PLGLB1: variants seen among roughly 807,000 people sequenced by gnomAD.
PLGLB1 encodes plasminogen like B1, also known as plasminogen-like protein B.
In PLGLB1 at chr2:87,020,988, C is replaced by T. The variant is rs528429856; in HGVS notation, c.49+747G>A. On this transcript the variant is annotated intron_variant, in intron 1 of 3. Coordinates refer to ENST00000355705, the MANE Select transcript of PLGLB1 (RefSeq NM_001032392.4). ...AGCAAATAACATGATTTTCCTAAGT[C>T]TAGATTTCTTTGTTTATAAAATGAG... Among the ~76,000 whole-genome samples, 203 of 152,154 alleles carry T rather than the reference C, an allele frequency of 1.3e-3. 1 individual carries two copies. The highest frequency in any genetic ancestry group is 2.1e-3 in the South Asian group (10 of 4,830).
rs1159833409 is a variant in PLGLB1, at chr2:87,019,160, C to T, written c.50-1472G>A. On this transcript the variant is annotated intron_variant, in intron 1 of 3. Coordinates refer to ENST00000355705, the MANE Select transcript of PLGLB1 (RefSeq NM_001032392.4). The stretch of plus-strand genomic sequence containing the variant: ...GAAAGATGACACACTGCAGAGCACA[C>T]TGGTTTGTATGCTGATGACAAATAT... 2.6e-5 allele frequency among the ~76,000 whole-genome samples: 2 copies of T among 76,680 alleles called. 1 individual carries two copies. The highest frequency in any genetic ancestry group is 5.0e-5 in the Non-Finnish European group (2 of 39,808). The allele number at this position is 76,680 out of a possible 152,430, so 50.3% of individuals were successfully genotyped here.
Position 87,019,749 on chromosome 2 carries a change from A to G in PLGLB1, c.49+1986T>C, listed in dbSNP as rs796273915. On this transcript the variant is annotated intron_variant, in intron 1 of 3. Coordinates refer to ENST00000355705, the MANE Select transcript of PLGLB1 (RefSeq NM_001032392.4). The stretch of plus-strand genomic sequence containing the variant: ...GTGTCATGTTATTATACTTCATAGC[A>G]CATCGCTGCTGAGATCCCCTCCCCA... Among the ~76,000 whole-genome samples the G allele has an allele frequency of 7.0e-4, 70 of 100,162 alleles. 1 individual carries two copies. The highest frequency in any genetic ancestry group is 4.2e-3 in the East Asian group (11 of 2,592). 65.7% of individuals were successfully genotyped at this position (100,162 alleles called of 152,430 possible). A position where few individuals can be genotyped will look rare whatever the true frequency, so the allele number is the denominator to read the frequency against.
chr2:87,014,751 A>G (rs925190824), intron 3 of PLGLB1, among the ~76,000 whole-genome samples: 1 of 119,884 alleles, frequency 8.3e-6, no homozygotes, highest in Non-Finnish European at 1.8e-5. Flanking sequence ...ACATTTGGGA[A>G]GTCTTTGGGT....
At chr2:87,017,264 A>G (rs1682353466) in intron 2 of PLGLB1, among the ~76,000 whole-genome samples, 1 of 104,612 alleles carries the variant, frequency 9.6e-6, no homozygotes, top group Non-Finnish European at 2.1e-5. Flanking sequence ...ATCCTCAACA[A>G]ACATTTACTG....
chr2:87,014,353 GATCA>G (rs1437308085), intron 3 of PLGLB1, among the ~76,000 whole-genome samples: 233 of 148,426 alleles, frequency 1.6e-3, no homozygotes, highest in African/African-American at 5.4e-3. Flanking sequence ...TAAATTCACT[GATCA>G]ATCACATGGG....
At chr2:87,013,242 GATC>G (rs1395631822) in intron 3 of PLGLB1, 123 bp from the exon 4 acceptor site, 2 of 143,138 alleles carry the variant, frequency 1.4e-5, no homozygotes, top group Admixed American at 8.7e-5. Flanking sequence ...CTTTCTAAAA[GATC>G]ATCTTTTGCA....
chr2:87,018,146 CA>C (rs1682361443), intron 1 of PLGLB1: 1 of 13,098 alleles, frequency 7.6e-5, no homozygotes, highest in Admixed American at 6.4e-4. Context: ...GATTGATAAA[CA>C]GGTTAGAACT....
chr2:87,017,325 T>TCC (rs1558821265), intron 2 of PLGLB1, among the ~76,000 whole-genome samples: 3 of 73,678 alleles, frequency 4.1e-5, no homozygotes, highest in African/African-American at 1.3e-4. Context: ...AATGTTTATG[T>TCC]CCGGTGTAAA....
rs1474666786 is a variant in PLGLB1 at position 87,013,492 on chromosome 2, C to T, written c.*2-373G>A. The T allele has an allele frequency of 3.5e-5, 5 of 141,526 alleles. 1 individual carries two copies. The highest frequency in any genetic ancestry group is 7.0e-5 in the Non-Finnish European group (5 of 71,378). The allele number at this position is 141,526 out of a possible 1,614,324, so 8.8% of individuals were successfully genotyped here. ...GAGATCACTTGATGATACATGGATACATGTTACATACATGATGAGACAGAG... is the reference window on the plus strand; with the variant it reads ...GAGATCACTTGATGATACATGGATATATGTTACATACATGATGAGACAGAG... On this transcript the variant is annotated intron_variant, in intron 3 of 3. Coordinates refer to ENST00000355705, the MANE Select transcript of PLGLB1 (RefSeq NM_001032392.4).
intron 1 of PLGLB1, among the ~76,000 whole-genome samples, chr2:87,021,123 T>C (rs1226097914): frequency 2.6e-5 from 3 of 116,122 alleles, no homozygotes; most frequent in Non-Finnish European, 1.8e-5. Context: ...TGTAAAAATG[T>C]AGCGACCTAA....
At chr2:87,020,769 C>T (rs1259468702) in intron 1 of PLGLB1, among the ~76,000 whole-genome samples, 1 of 144,454 alleles carries the variant, frequency 6.9e-6, no homozygotes, top group Non-Finnish European at 1.5e-5. Context: ...TGGGTGAATT[C>T]TATACATTAA....
rs1276797666 is a variant in PLGLB1 at position 87,016,142 on chromosome 2, GGTTA to G, written c.*1+156_*1+159del. Among the ~76,000 whole-genome samples, 4 of 120,812 alleles carry G rather than the reference GGTTA, an allele frequency of 3.3e-5. 1 individual carries two copies. The highest frequency in any genetic ancestry group is 9.9e-5 in the African/African-American group (2 of 20,122). 79.3% of individuals were successfully genotyped at this position (120,812 alleles called of 152,430 possible). A position where few individuals can be genotyped will look rare whatever the true frequency, so the allele number is the denominator to read the frequency against. On this transcript the variant is annotated intron_variant, in intron 3 of 3. Transcript: ENST00000355705. ...TGAAGTAATATACTCAAGCTGACAT[GGTTA>G]GTTAGTAATCAAATCCTGTCCTAAC...
chr2:87,016,802 AC>A (rs1682344720), intron 2 of PLGLB1, among the ~76,000 whole-genome samples: 1 of 137,850 alleles, frequency 7.3e-6, no homozygotes, highest in Non-Finnish European at 1.5e-5. Flanking sequence ...CCTCTGTCCC[AC>A]ATTCCACCCC....
At chr2:87,019,792 A>T (rs1682391923) in intron 1 of PLGLB1, among the ~76,000 whole-genome samples, 1 of 100,692 alleles carries the variant, frequency 9.9e-6, no homozygotes, top group Admixed American at 8.3e-5. Flanking sequence ...TCCCTAGGAA[A>T]TATCCCAAAA....
Position 87,013,436 on chromosome 2 carries a change from A to G in PLGLB1, c.*2-317T>C, listed in dbSNP as rs546754393. On this transcript the variant is annotated intron_variant, in intron 3 of 3. Transcript: ENST00000355705. ...TCTAGTGGAATCAGACAGGGGGGTT[A>G]CAGGAAATATTCAAGTAAACAATAT... The G allele has an allele frequency of 5.2e-3, 792 of 153,068 alleles. 115 individuals carry two copies. Among genetic ancestry groups the G allele is most frequent in the Non-Finnish European group, 8.0e-3 (641 of 79,762 alleles). The allele number at this position is 153,068 out of a possible 1,614,324, so 9.5% of individuals were successfully genotyped here.
intron 1 of PLGLB1, among the ~76,000 whole-genome samples, chr2:87,021,101 T>C (rs1298395574): frequency 6.6e-5 from 9 of 137,148 alleles, no homozygotes; most frequent in African/African-American, 2.5e-4. Context: ...CACACACAGG[T>C]ATGTATGTAT....
intron 1 of PLGLB1, among the ~76,000 whole-genome samples, chr2:87,019,121 T>C (rs1682379582): frequency 9.1e-6 from 1 of 109,978 alleles, no homozygotes; most frequent in Admixed American, 8.6e-5. Flanking sequence ...GAAGATGCGG[T>C]CAGGGGAGGT....
At chr2:87,017,384 A>AC (rs1471730736) in intron 2 of PLGLB1, 169 bp downstream of exon 2, 51 of 62,652 alleles carry the variant, frequency 8.1e-4, no homozygotes, top group African/African-American at 2.6e-3. Flanking sequence ...ACTCCAGTAA[A>AC]CCTTAACAAG....
intron 1 of PLGLB1, among the ~76,000 whole-genome samples, chr2:87,019,509 C>A (rs1274439525): frequency 1.7e-5 from 2 of 121,092 alleles, no homozygotes; most frequent in Admixed American, 1.6e-4. Flanking sequence ...CACTTTCTGC[C>A]AACTTGAACT....
Sources: gnomAD v4.1 joint callset for allele counts (sites outside exome capture counted in the v4.1 genomes callset) on GRCh38, gnomAD v4.1.1 for gene constraint, MANE v1.5 for transcripts, NCBI Gene and HGNC (gene_info 2026-07-23, HGNC 2026-07-21) for gene names.